The following GRM1 variants were observed in gnomAD, a reference collection of about 807,000 sequenced individuals.
The protein encoded by GRM1 is glutamate metabotropic receptor 1.
A neutral mutation model predicts 90.9 loss-of-function variants in GRM1; 33 were observed. The observed-to-expected ratio is 0.36, with a 90% CI of 0.28 to 0.49. The LOEUF is 0.49. Ranked by LOEUF, GRM1 falls within the 20% of genes least tolerant of loss-of-function variation. GRM1 has a pLI of 0.99. For missense variants in GRM1, 1,190 were observed against 1,534.3 expected (o/e 0.78, Z 3.75); for synonymous variants, 700 against 613.2 (o/e 1.14, Z -2.09).
At chr6:146,366,932 T>G (rs1042807543) in intron 5 of GRM1, among the ~76,000 whole-genome samples, 1 of 152,178 alleles carries the variant, frequency 6.6e-6, no homozygotes, top group African/African-American at 2.4e-5. Flanking sequence ...ATTTTTGCTT[T>G]TGTTGCCTGT....
intron 2 of GRM1, among the ~76,000 whole-genome samples, chr6:146,207,942 C>A (rs906708625): frequency 6.6e-6 from 1 of 152,156 alleles, no homozygotes; most frequent in Admixed American, 6.6e-5. Flanking sequence ...AATTTATAGG[C>A]ATTTTTATCT....
chr6:146,231,974 G>C (rs1196127526), intron 2 of GRM1, among the ~76,000 whole-genome samples: 1 of 152,060 alleles, frequency 6.6e-6, no homozygotes, highest in Non-Finnish European at 1.5e-5. Context: ...TTCTGGGAAA[G>C]TTAGTGTAGA....
At position 146,080,209 on chromosome 6, in the gene GRM1, A is replaced by G. The variant is rs73578812; in HGVS notation, c.700+49992A>G. Among the ~76,000 whole-genome samples the G allele has an allele frequency of 1.0e-2, 1,517 of 152,266 alleles. 20 individuals carry two copies. Among genetic ancestry groups the G allele is most frequent in the African/African-American group, 0.035 (1,440 of 41,550 alleles). ...AGGCTGGTGTGGAGGGTGATATAGC[A>G]ATTAAGTTTACCTACCATGTTAGAA... is the stretch of plus-strand genomic sequence containing the variant. On this transcript the variant is annotated intron_variant, in intron 1 of 7. Coordinates refer to ENST00000282753, the MANE Select transcript of GRM1 (RefSeq NM_001278064.2).
chr6:146,278,614 A>G (rs1186617526), intron 2 of GRM1, among the ~76,000 whole-genome samples: 1 of 152,030 alleles, frequency 6.6e-6, no homozygotes, highest in Non-Finnish European at 1.5e-5. Context: ...TGTCTCTACT[A>G]AAAATACAAA....
At position 146,387,985 on chromosome 6, in the gene GRM1, C is replaced by T. The variant is rs558858232; in HGVS notation, c.1729+969C>T. The stretch of plus-strand genomic sequence containing the variant: ...TAGGAATGGAAAGGAATAAATGAAA[C>T]AGATGATTCACTAGTAAAACCAATG... On this transcript the variant is annotated intron_variant, in intron 6 of 7. Transcript: ENST00000282753. 2.0e-5 allele frequency among the ~76,000 whole-genome samples: 3 copies of T among 152,096 alleles called. No homozygotes were observed. The East Asian group carries it at 5.8e-4, about 29-fold the overall frequency.
chr6:146,153,454 G>A lies in GRM1; in HGVS notation c.701-5894G>A, dbSNP rs754704324. 2.0e-5 allele frequency among the ~76,000 whole-genome samples: 3 copies of A among 152,178 alleles called. No individual in the cohort carries two copies. The South Asian group carries it at 6.2e-4, about 32-fold the overall frequency. The stretch of plus-strand genomic sequence containing the variant: ...GACAAGTTCTTTCTACATTAGTGCT[G>A]CACTCATGGGAATTTATATGTAAGT... On this transcript the variant is annotated intron_variant, in intron 1 of 7. Transcript: ENST00000282753.
At chr6:146,033,620 G>A (rs564221371) in intron 1 of GRM1, among the ~76,000 whole-genome samples, 1 of 152,008 alleles carries the variant, frequency 6.6e-6, no homozygotes, top group Non-Finnish European at 1.5e-5. Context: ...AATGAATTTA[G>A]TGATGCTGCT....
intron 1 of GRM1, among the ~76,000 whole-genome samples, chr6:146,100,528 G>A (rs1193304845): frequency 6.6e-6 from 1 of 152,122 alleles, no homozygotes; most frequent in Non-Finnish European, 1.5e-5. Context: ...GCTCTGGAGT[G>A]CTAATTTATT....
chr6:146,334,668 G>A (rs576751364), intron 3 of GRM1, among the ~76,000 whole-genome samples: 3 of 152,204 alleles, frequency 2.0e-5, no homozygotes, highest in African/African-American at 4.8e-5. Context: ...TTCTCCGTAC[G>A]GGCTTCCCAC....
At chr6:146,293,935 A>G (rs1344018566) in intron 2 of GRM1, among the ~76,000 whole-genome samples, 1 of 151,508 alleles carries the variant, frequency 6.6e-6, no homozygotes, top group Non-Finnish European at 1.5e-5. Flanking sequence ...TTTATCCTGT[A>G]TCTGAAGTTA....
chr6:146,410,436 G>A (rs1365801890), intron 7 of GRM1, among the ~76,000 whole-genome samples: 3 of 152,076 alleles, frequency 2.0e-5, no homozygotes, highest in East Asian at 3.9e-4. Flanking sequence ...AAATATGATT[G>A]TTAACATTAG....
chr6:146,337,141 C>CGGTA (rs1562619503), intron 3 of GRM1, among the ~76,000 whole-genome samples: 1 of 152,172 alleles, frequency 6.6e-6, no homozygotes, highest in African/African-American at 2.4e-5. Flanking sequence ...TGGAGATGTG[C>CGGTA]GGTACAGCAG....
At chr6:146,401,555 G>T (rs1777160288) in intron 7 of GRM1, among the ~76,000 whole-genome samples, 1 of 152,120 alleles carries the variant, frequency 6.6e-6, no homozygotes, top group Non-Finnish European at 1.5e-5. Context: ...TGTTCACAAG[G>T]ATTAAAAGAT....
At chr6:146,309,425 A>G (rs1322775760) in intron 3 of GRM1, among the ~76,000 whole-genome samples, 1 of 152,020 alleles carries the variant, frequency 6.6e-6, no homozygotes, top group African/African-American at 2.4e-5. Flanking sequence ...AACATTTTTA[A>G]GCTTTTGAAA....
At chr6:146,307,950 G>A (rs1270630474) in intron 3 of GRM1, among the ~76,000 whole-genome samples, 1 of 152,158 alleles carries the variant, frequency 6.6e-6, no homozygotes, top group Non-Finnish European at 1.5e-5. Context: ...AATTAGTTGA[G>A]TATATCAAGG....
intron 2 of GRM1, among the ~76,000 whole-genome samples, chr6:146,230,893 G>C (rs1201233815): frequency 1.3e-5 from 2 of 152,070 alleles, no homozygotes; most frequent in East Asian, 3.9e-4. Context: ...TTCTAAGTGA[G>C]AGATGTCAAT....
chr6:146,397,232 C>CA (rs1441979574), intron 6 of GRM1, among the ~76,000 whole-genome samples: 3 of 151,908 alleles, frequency 2.0e-5, no homozygotes, highest in African/African-American at 7.3e-5. Context: ...CCTGTAGTCC[C>CA]AGCACTTTGG....
chr6:146,205,363 A>G lies in GRM1; in HGVS notation c.950+45766A>G, dbSNP rs143236967. Among the ~76,000 whole-genome samples, 98 of 152,070 alleles carry G rather than the reference A, an allele frequency of 6.4e-4. 1 individual carries two copies. Among genetic ancestry groups the G allele is most frequent in the African/African-American group, 2.1e-3 (87 of 41,452 alleles). ...TATGGTGTTCTGGCTTTTTCTATTT[A>G]TTTTCCTCATTCCTTTTTGAGGACT... is the stretch of plus-strand genomic sequence containing the variant. On this transcript the variant is annotated intron_variant, in intron 2 of 7. Coordinates refer to ENST00000282753, the MANE Select transcript of GRM1 (RefSeq NM_001278064.2).
chr6:146,211,692 T>C (rs1779692292), intron 2 of GRM1, among the ~76,000 whole-genome samples: 2 of 152,256 alleles, frequency 1.3e-5, no homozygotes, highest in African/African-American at 4.8e-5. Flanking sequence ...TAAATTTCTA[T>C]GAGCTAATTG....
Sources: allele counts gnomAD v4.1 joint callset (sites outside exome capture counted in the v4.1 genomes callset), GRCh38; gene constraint gnomAD v4.1.1; transcripts MANE v1.5; gene names NCBI Gene and HGNC (gene_info 2026-07-23, HGNC 2026-07-21).